STAU2: variants seen among roughly 807,000 people sequenced by gnomAD.
STAU2 encodes double-stranded RNA-binding protein Staufen homolog 2.
In STAU2, 20 loss-of-function variants were observed where a neutral mutation model predicts 65.9. The observed-to-expected ratio is 0.30, with a 90% CI of 0.21 to 0.44. The LOEUF (loss-of-function observed/expected upper bound fraction) is 0.44. Ranked by LOEUF, STAU2 falls within the 20% of genes least tolerant of loss-of-function variation. The pLI is 1.00. For missense variants in STAU2, 558 were observed against 683.9 expected (o/e 0.82, Z 2.05); for synonymous variants, 232 against 233.9 (o/e 0.99, Z 0.07).
intron 1 of STAU2, among the ~76,000 whole-genome samples, chr8:73,741,391 A>C (rs1330650587): frequency 1.3e-5 from 2 of 152,180 alleles, no homozygotes; most frequent in Non-Finnish European, 2.9e-5. Context: ...CTAAAGTTAC[A>C]AATGCTTATC....
chr8:73,684,568 G>C (rs946407422), intron 5 of STAU2, among the ~76,000 whole-genome samples: 1 of 152,110 alleles, frequency 6.6e-6, no homozygotes, highest in African/African-American at 2.4e-5. Context: ...TCATGACCAA[G>C]AACCCAAAAG....
intron 12 of STAU2, among the ~76,000 whole-genome samples, chr8:73,562,499 A>AGACT (rs1808306958): frequency 6.6e-6 from 1 of 152,180 alleles, no homozygotes; most frequent in Non-Finnish European, 1.5e-5. Flanking sequence ...AGAGAGAGAG[A>AGACT]GACTGAGATT....
intron 13 of STAU2, among the ~76,000 whole-genome samples, chr8:73,451,491 T>A (rs998241337): frequency 6.6e-6 from 1 of 151,950 alleles, no homozygotes; most frequent in Admixed American, 6.6e-5. Context: ...CAAAAAAATA[T>A]GTTAAGAGAG....
intron 6 of STAU2, among the ~76,000 whole-genome samples, chr8:73,654,981 G>A (rs368587078): frequency 1.2e-4 from 19 of 152,074 alleles, no homozygotes; most frequent in Admixed American, 3.3e-4. Context: ...CACCGCGCCC[G>A]GCCCAAACCA....
At chr8:73,529,109 A>C (rs1470587384) in intron 13 of STAU2, among the ~76,000 whole-genome samples, 4 of 152,180 alleles carry the variant, frequency 2.6e-5, no homozygotes, top group Admixed American at 1.3e-4. Context: ...GTTATAAAAA[A>C]TATTTTTACC....
At chr8:73,423,484 C>T (rs762047883) in intron 13 of STAU2, among the ~76,000 whole-genome samples, 25 of 152,234 alleles carry the variant, frequency 1.6e-4, no homozygotes, top group Middle Eastern at 3.4e-3. Context: ...CCCCCAAGCC[C>T]GACACTGCTG....
chr8:73,684,372 T>A (rs1209374116), intron 5 of STAU2, among the ~76,000 whole-genome samples: 1 of 152,158 alleles, frequency 6.6e-6, no homozygotes, highest in African/African-American at 2.4e-5. Flanking sequence ...GGACATCCTA[T>A]TCAACAAATG....
intron 13 of STAU2, chr8:73,439,380 G>A: frequency 4.1e-6 from 1 of 244,658 alleles, no homozygotes; most frequent in Non-Finnish European, 8.0e-6. Context: ...ACTTTGGGAG[G>A]CCGAGGCGGG....
chr8:73,701,043 TG>T (rs1563516285), intron 4 of STAU2, among the ~76,000 whole-genome samples: 2 of 152,086 alleles, frequency 1.3e-5, no homozygotes, highest in Admixed American at 6.6e-5. Flanking sequence ...CTTCAATAAA[TG>T]GTACTGGGAA....
intron 5 of STAU2, among the ~76,000 whole-genome samples, chr8:73,677,815 C>T (rs962982126): frequency 2.0e-5 from 3 of 152,118 alleles, no homozygotes; most frequent in Admixed American, 2.0e-4. Context: ...ACCAAATAAT[C>T]GATTCATTCT....
At chr8:73,559,154 G>C (rs183009035) in intron 12 of STAU2, among the ~76,000 whole-genome samples, 3 of 152,286 alleles carry the variant, frequency 2.0e-5, no homozygotes, top group African/African-American at 7.2e-5. Flanking sequence ...ATGTACTATA[G>C]TTATATAAGA....
intron 5 of STAU2, among the ~76,000 whole-genome samples, chr8:73,678,750 T>C (rs747333178): frequency 6.6e-5 from 10 of 152,220 alleles, no homozygotes; most frequent in Non-Finnish European, 1.5e-4. Flanking sequence ...ATGGACAATC[T>C]TTTAGGAACT....
At chr8:73,665,130 C>T (rs908873252) in intron 6 of STAU2, among the ~76,000 whole-genome samples, 4 of 151,918 alleles carry the variant, frequency 2.6e-5, no homozygotes, top group Admixed American at 6.6e-5. Context: ...ATTTCTAATG[C>T]GTCTTTGTTA....
At chr8:73,729,414 C>A (rs1042088983) in intron 3 of STAU2, among the ~76,000 whole-genome samples, 1 of 152,142 alleles carries the variant, frequency 6.6e-6, no homozygotes, top group Non-Finnish European at 1.5e-5. Context: ...ATAATACTGG[C>A]CTCAAAGAGT....
At chr8:73,644,958 A>G (rs986755126) in intron 6 of STAU2, among the ~76,000 whole-genome samples, 1 of 152,166 alleles carries the variant, frequency 6.6e-6, no homozygotes, top group African/African-American at 2.4e-5. Context: ...ACTCCTAAAA[A>G]AGAAAATCTC....
At chr8:73,733,981 A>C (rs2130761248) in intron 3 of STAU2, among the ~76,000 whole-genome samples, 1 of 152,282 alleles carries the variant, frequency 6.6e-6, no homozygotes, top group East Asian at 1.9e-4. Flanking sequence ...CACTAACTAC[A>C]ATATAAAAAT....
At chr8:73,449,740 C>T (rs1198256661) in intron 13 of STAU2, among the ~76,000 whole-genome samples, 3 of 152,198 alleles carry the variant, frequency 2.0e-5, no homozygotes, top group Non-Finnish European at 2.9e-5. Flanking sequence ...CACCAGCCCA[C>T]CCCTTTCTTG....
chr8:73,423,124 CACTT>C (rs1309540600), intron 13 of STAU2, among the ~76,000 whole-genome samples: 2 of 152,194 alleles, frequency 1.3e-5, no homozygotes, highest in African/African-American at 4.8e-5. Flanking sequence ...AATTGATAGA[CACTT>C]AGCCCCAGTC....
rs1810170410 is a variant in STAU2 at position 73,583,813 on chromosome 8, C to T, written c.1162-983G>A. 2.0e-5 allele frequency among the ~76,000 whole-genome samples: 3 copies of T among 152,206 alleles called. No homozygotes were observed. In the South Asian group the frequency reaches 6.2e-4, roughly 32 times the overall value. Reference sequence around the variant, plus strand: ...AATGATTAGTGTTTGGTATAAAATACATTCTGAAATGTAGATGCTTTGAAG... The same window carrying T: ...AATGATTAGTGTTTGGTATAAAATATATTCTGAAATGTAGATGCTTTGAAG... On this transcript the variant is annotated intron_variant, in intron 11 of 14. Coordinates refer to ENST00000524300, the MANE Select transcript of STAU2 (RefSeq NM_001164380.2).
Sources: allele counts gnomAD v4.1 joint callset (sites outside exome capture counted in the v4.1 genomes callset), GRCh38; gene constraint gnomAD v4.1.1; transcripts MANE v1.5; gene names NCBI Gene and HGNC (gene_info 2026-07-23, HGNC 2026-07-21).